Variants in RNF145 observed in about 807,000 individuals in gnomAD.
RNF145 encodes the protein ring finger protein 145.
A neutral mutation model predicts 57.3 loss-of-function variants in RNF145; 12 were observed. The ratio of observed to expected loss-of-function variants is 0.21; its 90% CI spans 0.13 to 0.34. The LOEUF (loss-of-function observed/expected upper bound fraction) is 0.34. RNF145 is among the 10% of genes least tolerant of loss of function. The probability of loss-of-function intolerance (pLI) is 1.00; values close to 1 mark genes in which losing one functional copy is unlikely to be tolerated. For synonymous variants in RNF145, 262 were observed against 288.3 expected (o/e 0.91, Z 0.92); for missense variants, 429 against 799.0 (o/e 0.54, Z 5.58).
intron 2 of RNF145, among the ~76,000 whole-genome samples, chr5:159,195,140 CTT>C (rs926960510): frequency 7.9e-5 from 12 of 152,234 alleles, no homozygotes; most frequent in African/African-American, 2.9e-4. Flanking sequence ...CCAATTCTCT[CTT>C]TCTTTCTAGT....
Position 159,165,728 on chromosome 5 carries a change from A to T in RNF145, c.1122-2649T>A, listed in dbSNP as rs573131740. The stretch of plus-strand genomic sequence containing the variant: ...AAAAAAAAAAAAAAAAAAAAAAAAA[A>T]AAAAATAATAATATCCTACATTATC... On this transcript the variant is annotated intron_variant, in intron 8 of 10. Coordinates refer to ENST00000424310, the MANE Select transcript of RNF145 (RefSeq NM_001199383.2). 1.0e-3 allele frequency among the ~76,000 whole-genome samples: 140 copies of T among 136,978 alleles called. 47 individuals are homozygous for T. The highest frequency in any genetic ancestry group is 3.0e-3 in the African/African-American group (115 of 38,682). The allele number at this position is 136,978 out of a possible 152,430, so 89.9% of individuals were successfully genotyped here.
At chr5:159,163,783 T>C (rs1390608791) in intron 8 of RNF145, among the ~76,000 whole-genome samples, 2 of 152,194 alleles carry the variant, frequency 1.3e-5, no homozygotes, top group African/African-American at 4.8e-5. Flanking sequence ...CATCCAAGCT[T>C]GTCAAATCTG....
intron 7 of RNF145, among the ~76,000 whole-genome samples, 158 bp downstream of exon 7, chr5:159,169,521 T>A (rs1784481777): frequency 6.6e-6 from 1 of 152,222 alleles, no homozygotes; most frequent in Non-Finnish European, 1.5e-5. Context: ...TGGAAATGTA[T>A]TTTTTCATAG....
intron 4 of RNF145, among the ~76,000 whole-genome samples, chr5:159,178,052 T>C (rs1266277475): frequency 6.6e-6 from 1 of 152,008 alleles, no homozygotes; most frequent in Non-Finnish European, 1.5e-5. Flanking sequence ...TTTATTCTCT[T>C]ATAAAAGTAT....
intron 3 of RNF145, among the ~76,000 whole-genome samples, chr5:159,184,092 A>G (rs1023124075): frequency 2.0e-4 from 31 of 152,172 alleles, no homozygotes; most frequent in African/African-American, 7.2e-4. Context: ...TCTCTTTGTG[A>G]GGGACAAGAA....
chr5:159,164,654 G>A (rs1429175281), intron 8 of RNF145, among the ~76,000 whole-genome samples: 1 of 151,796 alleles, frequency 6.6e-6, no homozygotes, highest in Admixed American at 6.6e-5. Flanking sequence ...TAAAAATAAG[G>A]GAAAATTACA....
intron 3 of RNF145, among the ~76,000 whole-genome samples, chr5:159,190,878 C>T (rs1186015909): frequency 6.6e-6 from 1 of 151,896 alleles, no homozygotes; most frequent in African/African-American, 2.4e-5. Context: ...GAGATACTAT[C>T]ATATAGTATA....
chr5:159,193,763 A>C (rs375080361), intron 3 of RNF145, among the ~76,000 whole-genome samples: 39 of 152,330 alleles, frequency 2.6e-4, no homozygotes, highest in Middle Eastern at 3.4e-3. Flanking sequence ...TAATAATGTA[A>C]AAATGCTACT....
At position 159,209,408 on chromosome 5, in the gene RNF145, A is replaced by AGGCAGCGGCAGC. The variant is rs70987958; in HGVS notation, c.-229_-218dup. On this transcript the variant is annotated 5_prime_UTR_variant, in exon 1 of 11. Transcript: ENST00000424310. ...TCGGATGTTGCTTCTGGGGAGGCGG[A>AGGCAGCGGCAGC]GGCAGCGGCAGCGGCAGCGGCCCGG... 2.6e-5 allele frequency: 26 copies of AGGCAGCGGCAGC among 985,662 alleles called. No individual in the cohort carries two copies. Among genetic ancestry groups the AGGCAGCGGCAGC allele is most frequent in the South Asian group, 4.5e-5 (1 of 22,068 alleles). The allele number at this position is 985,662 out of a possible 1,614,324, so 61.1% of individuals were successfully genotyped here. A position where few individuals can be genotyped will look rare whatever the true frequency, so the allele number is the denominator to read the frequency against.
At chr5:159,172,211 C>A (rs1332829823) in intron 6 of RNF145, among the ~76,000 whole-genome samples, 1 of 152,152 alleles carries the variant, frequency 6.6e-6, no homozygotes, top group Non-Finnish European at 1.5e-5. Flanking sequence ...AGTCTTCAGG[C>A]CGGGCGTGGT....
At chr5:159,192,918 C>G (rs572304028) in intron 3 of RNF145, among the ~76,000 whole-genome samples, 1 of 152,236 alleles carries the variant, frequency 6.6e-6, no homozygotes, top group Non-Finnish European at 1.5e-5. Context: ...TCTATAGATA[C>G]AATTTTTGTT....
intron 2 of RNF145, 114 bp from the exon 3 acceptor site, chr5:159,194,938 G>A (rs1404913995): frequency 7.2e-6 from 5 of 696,856 alleles, no homozygotes; most frequent in Middle Eastern, 4.1e-4. Context: ...ACTTTCTGAG[G>A]TTTTTTATTA....
chr5:159,160,004 G>A (rs1032309943), intron 10 of RNF145, among the ~76,000 whole-genome samples: 2 of 152,094 alleles, frequency 1.3e-5, no homozygotes, highest in Admixed American at 6.6e-5. Flanking sequence ...TCTCATTTTC[G>A]ATGTGATATC....
At chr5:159,163,385 T>C (rs1465352321) in intron 8 of RNF145, among the ~76,000 whole-genome samples, 1 of 152,224 alleles carries the variant, frequency 6.6e-6, no homozygotes, top group African/African-American at 2.4e-5. Flanking sequence ...ACCTTAACAA[T>C]TTCAATAATT....
At chr5:159,182,188 T>C (rs1158287227) in intron 3 of RNF145, 137 bp from the exon 4 acceptor site, 14 of 469,480 alleles carry the variant, frequency 3.0e-5, no homozygotes, top group Non-Finnish European at 5.4e-5. Flanking sequence ...GAATTATATA[T>C]AAATGGCCTT....
chr5:159,186,061 A>T (rs1490559529), intron 3 of RNF145, among the ~76,000 whole-genome samples: 1 of 152,122 alleles, frequency 6.6e-6, no homozygotes, highest in Non-Finnish European at 1.5e-5. Flanking sequence ...CCGACTCTAC[A>T]AAACAAAAAA....
At chr5:159,204,167 T>G (rs1468535937) in intron 1 of RNF145, among the ~76,000 whole-genome samples, 13 of 152,210 alleles carry the variant, frequency 8.5e-5, no homozygotes, top group Admixed American at 8.5e-4. Flanking sequence ...AGTGCTAAAT[T>G]TACAATCCAG....
At chr5:159,170,602 G>C (rs908400620) in intron 6 of RNF145, among the ~76,000 whole-genome samples, 1 of 151,990 alleles carries the variant, frequency 6.6e-6, no homozygotes, top group Non-Finnish European at 1.5e-5. Context: ...TTATATATAC[G>C]TATATTTATT....
intron 2 of RNF145, among the ~76,000 whole-genome samples, chr5:159,202,825 T>C (rs1413130656): frequency 6.6e-6 from 1 of 152,160 alleles, no homozygotes. Context: ...CTTGTATTTC[T>C]TGACTTTAAT....
Sources: gnomAD v4.1 joint callset for allele counts (sites outside exome capture counted in the v4.1 genomes callset) on GRCh38, gnomAD v4.1.1 for gene constraint, MANE v1.5 for transcripts, NCBI Gene and HGNC (gene_info 2026-07-23, HGNC 2026-07-21) for gene names.